SRGAP3: variants seen among roughly 807,000 people sequenced by gnomAD.
SRGAP3 encodes the protein SLIT-ROBO Rho GTPase-activating protein 3.
In SRGAP3, 39 loss-of-function variants were observed where a neutral mutation model predicts 121.1. The observed-to-expected ratio is 0.32, with a 90% CI of 0.25 to 0.42. The LOEUF is 0.42. Ranked by LOEUF, SRGAP3 falls within the 10% of genes least tolerant of loss-of-function variation. SRGAP3 has a pLI of 1.00. For synonymous variants in SRGAP3, 601 were observed against 570.0 expected, an observed-to-expected ratio of 1.05 and a Z score of -0.77; for missense variants, 1,213 against 1,470.6, an observed-to-expected ratio of 0.82 and a Z score of 2.86.
intron 1 of SRGAP3, among the ~76,000 whole-genome samples, chr3:9,158,632 C>T (rs1333944176): frequency 6.6e-6 from 1 of 152,202 alleles, no homozygotes; most frequent in East Asian, 1.9e-4. Flanking sequence ...GCTCAAATCA[C>T]TCACTTAAAC....
At chr3:9,179,381 T>G (rs938638767) in intron 1 of SRGAP3, among the ~76,000 whole-genome samples, 5 of 152,206 alleles carry the variant, frequency 3.3e-5, no homozygotes, top group African/African-American at 1.2e-4. Flanking sequence ...TTACTTATCC[T>G]TGCTGAGTCT....
In SRGAP3 at chr3:9,077,668, C is replaced by T. The variant is rs577065936; in HGVS notation, c.486+2357G>A. Among the ~76,000 whole-genome samples, 122 of 152,324 alleles carry T rather than the reference C, an allele frequency of 8.0e-4. 1 individual carries two copies. The South Asian group carries it at 0.024, about 31-fold the overall frequency. On this transcript the variant is annotated intron_variant, in intron 4 of 21. Transcript: ENST00000383836. ...GCCTGGCCTGTGTCTCCAATACCAG[C>T]GGCATTTCTGTCCAGCCATCCTGCC...
intron 3 of SRGAP3, among the ~76,000 whole-genome samples, chr3:9,306,897 T>C (rs1050989031): frequency 6.6e-6 from 1 of 152,244 alleles, no homozygotes; most frequent in Non-Finnish European, 1.5e-5. Flanking sequence ...GTTTTTCAAA[T>C]ACGTTCATAA....
chr3:9,154,872 T>C (rs1408116627), intron 1 of SRGAP3, among the ~76,000 whole-genome samples: 1 of 152,110 alleles, frequency 6.6e-6, no homozygotes, highest in Non-Finnish European at 1.5e-5. Flanking sequence ...ACTTTTTTTT[T>C]TTTTTGCACA....
intron 1 of SRGAP3, among the ~76,000 whole-genome samples, chr3:9,145,076 C>G (rs554584206): frequency 1.4e-4 from 21 of 151,928 alleles, no homozygotes; most frequent in Non-Finnish European, 2.9e-4. Flanking sequence ...GGATACTTTC[C>G]TTTCTCTCTG....
At position 9,240,572 on chromosome 3, in the gene SRGAP3, G is replaced by T. The variant is rs373491152; in HGVS notation, c.67+8313C>A. Among the ~76,000 whole-genome samples, 9 of 152,178 alleles carry T rather than the reference G, an allele frequency of 5.9e-5. No individual in the cohort carries two copies. In the East Asian group the frequency reaches 1.2e-3, roughly 20 times the overall value. On this transcript the variant is annotated intron_variant, in intron 1 of 21. Transcript: ENST00000383836. ...CCAGAACAATTCAACTCAGTAATATGTATTGATCACCAACTAGATGGTGGG... is the reference window on the plus strand; with the variant it reads ...CCAGAACAATTCAACTCAGTAATATTTATTGATCACCAACTAGATGGTGGG...
At chr3:9,025,515 G>A (rs1323315981) in intron 13 of SRGAP3, among the ~76,000 whole-genome samples, 177 bp from the exon 14 acceptor site, 3 of 152,086 alleles carry the variant, frequency 2.0e-5, no homozygotes, top group African/African-American at 7.2e-5. Context: ...AAGTACAGCT[G>A]GCCAAAATCC....
chr3:9,140,154 C>T (rs927005797), intron 1 of SRGAP3, among the ~76,000 whole-genome samples: 1 of 150,708 alleles, frequency 6.6e-6, no homozygotes, highest in Admixed American at 6.6e-5. Context: ...CACACACATA[C>T]ATACACAAAT....
chr3:9,291,304 T>A (rs1324811106), intron 3 of SRGAP3, among the ~76,000 whole-genome samples: 4 of 152,172 alleles, frequency 2.6e-5, no homozygotes, highest in African/African-American at 9.6e-5. Flanking sequence ...TTACAAAACC[T>A]GTGTTCCCGC....
chr3:9,098,910 T>C (rs1182926593), intron 3 of SRGAP3, among the ~76,000 whole-genome samples: 1 of 152,172 alleles, frequency 6.6e-6, no homozygotes, highest in Non-Finnish European at 1.5e-5. Context: ...TTCATCTCCC[T>C]GGGAGACGGT....
chr3:9,106,656 T>C (rs1948428385), intron 2 of SRGAP3, among the ~76,000 whole-genome samples: 1 of 152,022 alleles, frequency 6.6e-6, no homozygotes, highest in Non-Finnish European at 1.5e-5. Context: ...TTATCAGGGG[T>C]TTCTGCTTTT....
At chr3:9,068,518 G>A (rs1208291924) in intron 4 of SRGAP3, among the ~76,000 whole-genome samples, 3 of 152,064 alleles carry the variant, frequency 2.0e-5, no homozygotes, top group African/African-American at 4.8e-5. Context: ...TGATCTACTC[G>A]ATTCCTGATT....
intron 5 of SRGAP3, among the ~76,000 whole-genome samples, chr3:9,062,826 C>T (rs975334222): frequency 1.3e-5 from 2 of 152,196 alleles, no homozygotes; most frequent in African/African-American, 4.8e-5. Flanking sequence ...AATAATGCTG[C>T]TATTCATGTA....
At chr3:9,042,872 A>G (rs1307610994) in intron 10 of SRGAP3, among the ~76,000 whole-genome samples, 1 of 152,098 alleles carries the variant, frequency 6.6e-6, no homozygotes, top group Non-Finnish European at 1.5e-5. Context: ...TGTGTACTCA[A>G]CAAGTTACAA....
chr3:8,981,946 G>A lies in SRGAP3; in HGVS notation c.*3573C>T, dbSNP rs1941437070. ...TCCGGGGTTCAAAAGGCGCTTCGAGGTGAGAAATCGTTAGCACTGAAACAA... is the reference window on the plus strand; with the variant it reads ...TCCGGGGTTCAAAAGGCGCTTCGAGATGAGAAATCGTTAGCACTGAAACAA... On this transcript the variant is annotated 3_prime_UTR_variant, in exon 22 of 22. Coordinates refer to ENST00000383836, the MANE Select transcript of SRGAP3 (RefSeq NM_014850.4). 1 of 226,748 alleles carries A rather than the reference G, an allele frequency of 4.4e-6. No individual in the cohort carries two copies. The highest frequency in any genetic ancestry group is 8.8e-6 in the Non-Finnish European group (1 of 114,076). 14.0% of individuals were successfully genotyped at this position (226,748 alleles called of 1,614,324 possible).
intron 1 of SRGAP3, among the ~76,000 whole-genome samples, chr3:9,162,496 T>G (rs1166175711): frequency 1.3e-5 from 2 of 152,174 alleles, no homozygotes; most frequent in Non-Finnish European, 2.9e-5. Flanking sequence ...AACATCTGCC[T>G]GTGGAACTTG....
chr3:9,072,228 T>G (rs554736851), intron 4 of SRGAP3, among the ~76,000 whole-genome samples: 1 of 152,310 alleles, frequency 6.6e-6, no homozygotes, highest in East Asian at 1.9e-4. Flanking sequence ...CTGCTCCTTC[T>G]GCCCCTCTCT....
chr3:9,064,292 G>T, intron 5 of SRGAP3, 104 bp downstream of exon 5: 1 of 1,483,308 alleles, frequency 6.7e-7, no homozygotes, highest in Non-Finnish European at 9.3e-7. Flanking sequence ...CACCCCACTG[G>T]GATGCAGGGG....
In SRGAP3 at chr3:9,336,547, T is replaced by C. The variant is rs542155852; in HGVS notation, n.215-5951A>G. On this transcript the variant is annotated intron_variant and non_coding_transcript_variant, in intron 1 of 3. Transcript: ENST00000490889. The stretch of plus-strand genomic sequence containing the variant: ...ATTTTCTAATTTTAAAGAAATGTTG[T>C]TGGGAGAGGGAAGGAGAAAAAGAGA... 3.9e-5 allele frequency among the ~76,000 whole-genome samples: 6 copies of C among 152,026 alleles called. No homozygotes were observed. The East Asian group carries it at 1.2e-3, about 30-fold the overall frequency.
Sources: gnomAD v4.1 joint callset for allele counts (sites outside exome capture counted in the v4.1 genomes callset) on GRCh38, gnomAD v4.1.1 for gene constraint, MANE v1.5 for transcripts, NCBI Gene and HGNC (gene_info 2026-07-23, HGNC 2026-07-21) for gene names.